The following GNAS variants were observed in gnomAD, a reference collection of about 807,000 sequenced individuals.
GNAS encodes protein ALEX.
Under a neutral mutation model 54.5 loss-of-function variants are expected in GNAS, and 8 were observed. The observed-to-expected ratio is 0.15, with a 90% CI of 0.09 to 0.26. The LOEUF (loss-of-function observed/expected upper bound fraction) is 0.26, where lower values mean the gene tolerates loss of function less well. Among genes scored for constraint, GNAS ranks in the 10% least tolerant of loss-of-function variants. The probability of loss-of-function intolerance (pLI) is 1.00; values close to 1 mark genes in which losing one functional copy is unlikely to be tolerated. For synonymous variants in GNAS, 204 were observed against 191.4 expected (o/e 1.07, Z -0.54); for missense variants, 170 against 529.8 (o/e 0.32, Z 6.67).
rs375897527 is a variant in GNAS at position 58,903,600 on chromosome 20, C to T, written c.312+15C>T. 1.3e-5 allele frequency: 21 copies of T among 1,613,984 alleles called. No homozygotes were observed. Among genetic ancestry groups the T allele is most frequent in the Non-Finnish European group, 1.6e-5 (19 of 1,179,982 alleles). ...AGGCGATTGAAGTACGTGCTGGCTC[C>T]TTGTGCTGTCTGTCTTGTAGCGCCC... is the stretch of plus-strand genomic sequence containing the variant. On this transcript the variant is annotated intron_variant, in intron 4 of 12. Transcript: ENST00000371085.
chr20:58,840,531 AAGACG>A, upstream of GNAS: 1 of 1,613,512 alleles, frequency 6.2e-7, no homozygotes. This position sits in a 1 kb window ranked among gnomAD's most constrained non-coding sequence, Gnocchi z 6.0. Context: ...ACCGAGCCTG[AAGACG>A]ATCGCGGCCC....
At chr20:58,840,695 G>A (rs1385031952), upstream of GNAS, 11 of 1,603,870 alleles carry the variant, frequency 6.9e-6, no homozygotes, top group Non-Finnish European at 8.5e-6. The surrounding 1 kb of genome is among the most constrained non-coding windows in gnomAD (Gnocchi z 6.0). Flanking sequence ...GCTCAAGCCC[G>A]AGGACAAAGA....
intron 1 of GNAS, chr20:58,855,651 C>CAGGAACTGCCGGGGAGGGGCCCCGG (rs1568930616): frequency 4.2e-6 from 3 of 710,960 alleles, no homozygotes; most frequent in Admixed American, 2.0e-5. Context: ...TCAGGTGAGC[C>CAGGAACTGCCGGGGAGGGGCCCCGG]AGGAACTGCC....
At chr20:58,855,667 GGGGCCCC>G in intron 1 of GNAS, 2 of 687,524 alleles carry the variant, frequency 2.9e-6, no homozygotes, top group Non-Finnish European at 5.4e-6. Flanking sequence ...CTGCCGGGGA[GGGGCCCC>G]GGGGCCCCGG....
intron 3 of GNAS, chr20:58,899,810 C>T (rs2090447238): frequency 1.5e-6 from 1 of 650,382 alleles, no homozygotes; most frequent in Non-Finnish European, 2.8e-6. Flanking sequence ...GGCTATTTCT[C>T]ATGAGACCAT....
At chr20:58,854,037 G>A in intron 1 of GNAS, 1 of 1,611,156 alleles carries the variant, frequency 6.2e-7, no homozygotes, top group Non-Finnish European at 8.5e-7. Context: ...GTTCGCGGCA[G>A]TCGCGGCCTC....
intron 1 of GNAS, among the ~76,000 whole-genome samples, chr20:58,861,540 A>T (rs1176219507): frequency 6.6e-6 from 1 of 152,158 alleles, no homozygotes; most frequent in Non-Finnish European, 1.5e-5. Flanking sequence ...CTCTTTAGGA[A>T]GGAAGAGGAG....
At position 58,841,460 on chromosome 20, in the gene GNAS, A is replaced by G; in HGVS notation, c.43+574A>G. 1.0e-6 allele frequency: 1 copy of G among 992,296 alleles called. No individual in the cohort carries two copies. The highest frequency in any genetic ancestry group is 1.2e-6 in the Non-Finnish European group (1 of 834,380). The allele number at this position is 992,296 out of a possible 1,614,324, so 61.5% of individuals were successfully genotyped here. On this transcript the variant is annotated intron_variant, in intron 1 of 12. Coordinates refer to the GNAS transcript ENST00000306090. This position sits in a 1 kb window ranked among gnomAD's most constrained non-coding sequence, Gnocchi z 5.0. ...AGTCACGCGCGCGCGGCGCCTAAGCAGCTCAGAGCCGGAGCCCAGGTCCCA... is the reference window on the plus strand; with the variant it reads ...AGTCACGCGCGCGCGGCGCCTAAGCGGCTCAGAGCCGGAGCCCAGGTCCCA...
rs587778383 is a variant in GNAS, at chr20:58,854,692, C to T, written c.43+13806C>T. 52 of 1,528,628 alleles carry T rather than the reference C, an allele frequency of 3.4e-5. No individual in the cohort carries two copies. The African/African-American group carries it at 7.2e-4, about 21-fold the overall frequency. The allele number at this position is 1,528,628 out of a possible 1,614,324, so 94.7% of individuals were successfully genotyped here. A position where few individuals can be genotyped will look rare whatever the true frequency, so the allele number is the denominator to read the frequency against. The stretch of plus-strand genomic sequence containing the variant: ...GGGGCGGCCCCTGAGGCTCCCGCCG[C>T]CCCTGCGGCTGCTGAGACCCGGGCA... On this transcript the variant is annotated intron_variant, in intron 1 of 12. Transcript: ENST00000306090.
intron 1 of GNAS, chr20:58,892,207 T>C: frequency 2.1e-6 from 2 of 975,214 alleles, no homozygotes; most frequent in Non-Finnish European, 2.4e-6. Flanking sequence ...GCCAGGGGTT[T>C]GGGTGCGTGT....
At chr20:58,842,179 G>C (rs1157780880) in intron 1 of GNAS, 2 of 398,536 alleles carry the variant, frequency 5.0e-6, no homozygotes, top group Admixed American at 4.4e-5. Flanking sequence ...ATCTGGTAAC[G>C]CACCTTCGGA....
intron 1 of GNAS, 91 bp from the exon 2 acceptor site, chr20:58,895,521 C>T (rs1281449413): frequency 1.2e-6 from 1 of 803,966 alleles, no homozygotes; most frequent in Admixed American, 1.8e-5. Context: ...CATGTTGCTT[C>T]TATGGAAAAA....
rs1568980004 is a variant in GNAS, at chr20:58,891,869, A to AGGGCGGGC, written c.139+8_139+15dup. 1 of 1,193,192 alleles carries AGGGCGGGC rather than the reference A, an allele frequency of 8.4e-7. No homozygotes were observed. The allele number at this position is 1,193,192 out of a possible 1,614,324, so 73.9% of individuals were successfully genotyped here. ...ACGCACCGCCTGCTGCTGCTGGGTA[A>AGGGCGGGC]GGGCGGGCGGGGGGCGCCGGCCCCG... On this transcript the variant is annotated splice_donor_region_variant and intron_variant, in intron 1 of 12. Transcript: ENST00000371085.
chr20:58,891,414 C>G (rs1363166937), upstream of GNAS: 37 of 334,900 alleles, frequency 1.1e-4, no homozygotes, highest in Admixed American at 2.0e-4. Flanking sequence ...GCGGCGGCAG[C>G]GGCGGCAGCA....
chr20:58,893,790 GCTAT>G (rs768524185), intron 1 of GNAS, among the ~76,000 whole-genome samples: 1 of 152,228 alleles, frequency 6.6e-6, no homozygotes, highest in Non-Finnish European at 1.5e-5. Context: ...TTCTGTGAAT[GCTAT>G]CTCAGTACTA....
upstream of GNAS, chr20:58,840,152 AAT>A: frequency 6.2e-7 from 1 of 1,611,500 alleles, no homozygotes; most frequent in Admixed American, 1.7e-5. The surrounding 1 kb of genome is among the most constrained non-coding windows in gnomAD (Gnocchi z 6.0). Context: ...AGCTCGCCAT[AAT>A]TACAACGACC....
At chr20:58,892,164 T>C (rs2089476202) in intron 1 of GNAS, 1 of 963,032 alleles carries the variant, frequency 1.0e-6, no homozygotes, top group Non-Finnish European at 1.2e-6. Context: ...CCTCTTTCTC[T>C]CTTTCTCTCT....
chr20:58,892,128 TCTCTTGCTCTCGCTCTCGCTCTCCCC>T (rs2089463759), intron 1 of GNAS: 2 of 964,890 alleles, frequency 2.1e-6, no homozygotes, highest in African/African-American at 3.6e-5. Context: ...TCAGTGTCTC[TCTCTTGCTCTCGCTCTCGCTCTCCCC>T]CTCTTTCTCT....
At chr20:58,876,268 C>G (rs958125088) in intron 1 of GNAS, among the ~76,000 whole-genome samples, 1 of 152,142 alleles carries the variant, frequency 6.6e-6, no homozygotes, top group Non-Finnish European at 1.5e-5. Flanking sequence ...TCCTAACACT[C>G]GAGTTTCCTT....
Sources: gnomAD v4.1 joint callset for allele counts (sites outside exome capture counted in the v4.1 genomes callset) on GRCh38, gnomAD v4.1.1 for gene constraint, Gnocchi (gnomAD v3.1) non-coding constraint, MANE v1.5 for transcripts, NCBI Gene and HGNC (gene_info 2026-07-23, HGNC 2026-07-21) for gene names.